Variants in PSD3 observed in about 807,000 individuals in gnomAD.
PSD3 encodes the protein pleckstrin and Sec7 domain containing 3, also known as PH and SEC7 domain-containing protein 3.
A neutral mutation model predicts 105.5 loss-of-function variants in PSD3; 49 were observed. The ratio of observed to expected loss-of-function variants is 0.46; its 90% CI spans 0.37 to 0.59. The LOEUF is 0.59. Among genes scored for constraint, PSD3 ranks in the 20% least tolerant of loss-of-function variants. PSD3 has a pLI of 0.00. For synonymous variants in PSD3, 557 were observed against 457.8 expected, an observed-to-expected ratio of 1.22 and a Z score of -2.77; for missense variants, 1,561 against 1,263.8, an observed-to-expected ratio of 1.24 and a Z score of -3.57.
At chr8:18,987,539 G>A (rs747966136) in intron 1 of PSD3, among the ~76,000 whole-genome samples, 5 of 151,496 alleles carry the variant, frequency 3.3e-5, no homozygotes, top group African/African-American at 9.7e-5. Context: ...CACCCGCCTC[G>A]GCCTCCCAAA....
chr8:18,674,965 C>G (rs773192166), intron 9 of PSD3, among the ~76,000 whole-genome samples: 102 of 151,932 alleles, frequency 6.7e-4, no homozygotes, highest in Non-Finnish European at 1.0e-3. Context: ...CTTACTACTG[C>G]ACTCCAGCTT....
chr8:18,837,220 G>A (rs552172030), intron 4 of PSD3, among the ~76,000 whole-genome samples: 1 of 152,076 alleles, frequency 6.6e-6, no homozygotes, highest in East Asian at 1.9e-4. Context: ...GATAGACAGC[G>A]AATGTGAGAC....
Position 18,867,698 on chromosome 8 carries a change from G to T in PSD3, c.1610C>A (p.Thr537Asn). The stretch of plus-strand genomic sequence containing the variant: ...CCTTCCCCAGAAAGCAATCTCCGGG[G>T]TGCCTTTCGTGTAGATGGAGTCGCT... ...DASDSIYTKG[T>N]PEIAFWGSNA... The change falls in exon 4 of 16, where the codon ACC (threonine) becomes AAC (asparagine). Residue 537 changes from threonine (T) to asparagine (N), a missense_variant. Physicochemically the swap from Thr to Asn is moderately conservative, Grantham distance 65. Transcript: ENST00000327040. The T allele has an allele frequency of 6.2e-7, 1 of 1,612,788 alleles. No individual in the cohort carries two copies. The highest frequency in any genetic ancestry group is 8.5e-7 in the Non-Finnish European group (1 of 1,179,018).
chr8:19,007,805 C>G (rs1826762491), intron 1 of PSD3, among the ~76,000 whole-genome samples: 1 of 152,122 alleles, frequency 6.6e-6, no homozygotes, highest in African/African-American at 2.4e-5. Flanking sequence ...TCATGGAAAG[C>G]AATGGTTAAT....
rs141454417 is a variant in PSD3 at position 18,903,938 on chromosome 8, G to C, written c.131-31205C>G. 4.9e-3 allele frequency among the ~76,000 whole-genome samples: 743 copies of C among 152,256 alleles called. 6 individuals are homozygous for C. The highest frequency in any genetic ancestry group is 0.017 in the African/African-American group (710 of 41,546). On this transcript the variant is annotated intron_variant, in intron 2 of 15. Coordinates refer to ENST00000327040, the MANE Select transcript of PSD3 (RefSeq NM_015310.4). ...AGCTCAGCCCAAGAAGGCGGGGAGA[G>C]GGGTAGGTGATGTGGCTCTACTTCT...
intron 12 of PSD3, among the ~76,000 whole-genome samples, chr8:18,576,216 G>A (rs1055335998): frequency 6.6e-6 from 1 of 152,070 alleles, no homozygotes; most frequent in East Asian, 1.9e-4. Flanking sequence ...TTCAAATTGA[G>A]TCAAAAATAA....
chr8:18,671,562 A>G (rs1368401355), intron 9 of PSD3, among the ~76,000 whole-genome samples: 1 of 152,136 alleles, frequency 6.6e-6, no homozygotes, highest in Non-Finnish European at 1.5e-5. Flanking sequence ...AGATTTAACT[A>G]TTCTTCTTTG....
chr8:18,654,655 A>G (rs556085167), intron 10 of PSD3, among the ~76,000 whole-genome samples: 11 of 152,332 alleles, frequency 7.2e-5, no homozygotes, highest in African/African-American at 1.9e-4. Flanking sequence ...CTGAAACACT[A>G]TATGTCACTG....
At chr8:18,681,198 T>C (rs1267311883) in intron 9 of PSD3, among the ~76,000 whole-genome samples, 4 of 152,000 alleles carry the variant, frequency 2.6e-5, no homozygotes, top group African/African-American at 9.7e-5. Context: ...GTTGGGAAGA[T>C]GACATGAGAG....
intron 14 of PSD3, among the ~76,000 whole-genome samples, chr8:18,569,425 T>C (rs1331481856): frequency 6.6e-6 from 1 of 150,644 alleles, no homozygotes; most frequent in Non-Finnish European, 1.5e-5. Flanking sequence ...GGTATCTCAA[T>C]GTAGAAAAAT....
intron 9 of PSD3, among the ~76,000 whole-genome samples, chr8:18,665,374 T>A (rs1799388676): frequency 1.3e-5 from 2 of 152,244 alleles, no homozygotes; most frequent in South Asian, 4.2e-4. Flanking sequence ...GCAGATGTGG[T>A]GGAAACAGTA....
chr8:19,008,682 T>A (rs753223949), intron 1 of PSD3, among the ~76,000 whole-genome samples: 1 of 150,056 alleles, frequency 6.7e-6, no homozygotes, highest in Admixed American at 6.6e-5. Flanking sequence ...GCTGCTTCTA[T>A]TAAAATTTTC....
Position 18,936,270 on chromosome 8 carries a change from T to C in PSD3, c.22-128A>G, listed in dbSNP as rs573779819. On this transcript the variant is annotated intron_variant, in intron 1 of 15. Coordinates refer to ENST00000327040, the MANE Select transcript of PSD3 (RefSeq NM_015310.4). ...TATGTACTCAAAGCTATCTAACCATTCAAAATGAAACATGAAAAGTGTAAC... is the reference window on the plus strand; with the variant it reads ...TATGTACTCAAAGCTATCTAACCATCCAAAATGAAACATGAAAAGTGTAAC... 3.2e-4 allele frequency: 196 copies of C among 614,002 alleles called. 1 individual carries two copies. The East Asian group carries it at 4.8e-3, about 15-fold the overall frequency. 38.0% of individuals were successfully genotyped at this position (614,002 alleles called of 1,614,324 possible).
chr8:18,745,605 T>A (rs919534675), intron 9 of PSD3, among the ~76,000 whole-genome samples: 1 of 152,196 alleles, frequency 6.6e-6, no homozygotes, highest in African/African-American at 2.4e-5. Flanking sequence ...CCACAGAGCA[T>A]TAATTCATTT....
intron 9 of PSD3, among the ~76,000 whole-genome samples, chr8:18,670,864 G>C (rs1206665084): frequency 6.6e-6 from 1 of 152,094 alleles, no homozygotes; most frequent in Admixed American, 6.5e-5. Context: ...CAGCAACTCG[G>C]GGAGCAGGGT....
chr8:18,900,080 G>T (rs542074813), intron 2 of PSD3, among the ~76,000 whole-genome samples: 2 of 152,242 alleles, frequency 1.3e-5, no homozygotes, highest in East Asian at 3.9e-4. Context: ...TGGTGTCTGG[G>T]AACTTGTCTA....
rs528471224 is a variant in PSD3 at position 18,535,915 on chromosome 8, C to A, written c.2972G>T (p.Gly991Val). 4 of 1,614,162 alleles carry A rather than the reference C, an allele frequency of 2.5e-6. 1 individual carries two copies. In the Admixed American group the frequency reaches 5.0e-5, roughly 20 times the overall value. The part of the protein sequence containing the change: ...EMYVSILKEG[G>V]KELLSNDESE... ...TTCATCGTTACTCAGTAGCTCTTTG[C>A]CTCCTTCCTTGAGAATGCTGACATA... The change falls in exon 16 of 16, where the codon GGC becomes GTC. Residue 991 changes from glycine to valine, a missense_variant. Physicochemically the swap from Gly to Val is moderately radical, Grantham distance 109. Transcript: ENST00000327040.
intron 14 of PSD3, among the ~76,000 whole-genome samples, chr8:18,559,947 C>T (rs2260754): frequency 0.94 from 142,481 of 152,210 alleles, 66,814 homozygotes; most frequent in Non-Finnish European, 0.97. Context: ...AAGGAACTAA[C>T]CGAGGAAGTG....
At chr8:18,670,263 T>TGCGGCTGGA (rs767854787) in intron 9 of PSD3, among the ~76,000 whole-genome samples, 4 of 152,230 alleles carry the variant, frequency 2.6e-5, no homozygotes, top group Admixed American at 1.3e-4. Flanking sequence ...GCGGGGCTGG[T>TGCGGCTGGA]GCGGCTGGAG....
Sources: gnomAD v4.1 joint callset for allele counts (sites outside exome capture counted in the v4.1 genomes callset) on GRCh38, gnomAD v4.1.1 for gene constraint, MANE v1.5 for transcripts, NCBI Gene and HGNC (gene_info 2026-07-23, HGNC 2026-07-21) for gene names.